Variants in B3GAT2 observed in about 807,000 individuals in gnomAD.
B3GAT2 encodes beta-1,3-glucuronyltransferase 2, also known as galactosylgalactosylxylosylprotein 3-beta-glucuronosyltransferase 2.
B3GAT2 carries 26 observed loss-of-function variants against 27.8 expected under a neutral mutation model. The ratio of observed to expected loss-of-function variants is 0.93; its 90% CI spans 0.68 to 1.30. The LOEUF (loss-of-function observed/expected upper bound fraction) is 1.30. B3GAT2 is among the 50% of genes most tolerant of loss of function. The pLI is 0.00. For missense variants in B3GAT2, 458 were observed against 459.0 expected (o/e 1.00, Z 0.02); for synonymous variants, 218 against 195.1 (o/e 1.12, Z -0.98).
In B3GAT2 at chr6:70,860,675, A is replaced by G. The variant is rs1771679743; in HGVS notation, c.*988T>C. On this transcript the variant is annotated 3_prime_UTR_variant, in exon 4 of 4. Coordinates refer to ENST00000230053, the MANE Select transcript of B3GAT2 (RefSeq NM_080742.3). ...AAGGGAAGTAGTTATCATGTTAGTA[A>G]TACCTCTAATAGTATAAACCCCACC... The G allele has an allele frequency of 2.4e-6, 1 of 415,852 alleles. No homozygotes were observed. The highest frequency in any genetic ancestry group is 4.2e-6 in the Non-Finnish European group (1 of 235,850). 25.8% of individuals were successfully genotyped at this position (415,852 alleles called of 1,614,324 possible). A position where few individuals can be genotyped will look rare whatever the true frequency, so the allele number is the denominator to read the frequency against.
At chr6:70,873,605 A>G (rs568428821) in intron 2 of B3GAT2, among the ~76,000 whole-genome samples, 3 of 152,224 alleles carry the variant, frequency 2.0e-5, no homozygotes, top group African/African-American at 7.2e-5. Flanking sequence ...TGTTTTTCAT[A>G]CAGATTTGGG....
At chr6:70,913,579 T>C (rs1772722067) in intron 1 of B3GAT2, among the ~76,000 whole-genome samples, 1 of 152,230 alleles carries the variant, frequency 6.6e-6, no homozygotes, top group Non-Finnish European at 1.5e-5. Context: ...GTTAGTGTGA[T>C]TCTTGTGTTT....
intron 1 of B3GAT2, among the ~76,000 whole-genome samples, chr6:70,913,495 C>T (rs932633688): frequency 2.0e-5 from 3 of 152,160 alleles, no homozygotes; most frequent in Non-Finnish European, 4.4e-5. Context: ...GTTTGATTTG[C>T]ATGTAGCTGT....
intron 2 of B3GAT2, among the ~76,000 whole-genome samples, chr6:70,886,305 T>C (rs1348768672): frequency 3.3e-5 from 5 of 152,150 alleles, no homozygotes; most frequent in Non-Finnish European, 7.4e-5. Context: ...AAAACTAGCA[T>C]ATCCCTTGCA....
rs1301135689 is a variant in B3GAT2 at position 70,930,588 on chromosome 6, C to T, written c.591+25251G>A. Among the ~76,000 whole-genome samples the T allele has an allele frequency of 2.0e-5, 3 of 152,202 alleles. No homozygotes were observed. In the East Asian group the frequency reaches 5.8e-4, roughly 29 times the overall value. ...CAGCCAACAGACACACGAAAAAATG[C>T]TCATCATCACCGGCCATCAGAGAAA... On this transcript the variant is annotated intron_variant, in intron 1 of 3. Coordinates refer to ENST00000230053, the MANE Select transcript of B3GAT2 (RefSeq NM_080742.3).
intron 1 of B3GAT2, among the ~76,000 whole-genome samples, chr6:70,919,847 C>A (rs1772837529): frequency 6.6e-6 from 1 of 152,204 alleles, no homozygotes; most frequent in Admixed American, 6.5e-5. Flanking sequence ...TCAGGCTACA[C>A]AGGGGTCAGG....
chr6:70,956,606 G>A lies in B3GAT2; in HGVS notation c.-177C>T, dbSNP rs913309287. 57 of 1,433,526 alleles carry A rather than the reference G, an allele frequency of 4.0e-5. No homozygotes were observed. Among genetic ancestry groups the A allele is most frequent in the African/African-American group, 1.2e-4 (8 of 68,648 alleles). The allele number at this position is 1,433,526 out of a possible 1,614,324, so 88.8% of individuals were successfully genotyped here. A position where few individuals can be genotyped will look rare whatever the true frequency, so the allele number is the denominator to read the frequency against. On this transcript the variant is annotated 5_prime_UTR_variant, in exon 1 of 4. Transcript: ENST00000230053. ...CGGGGCTCACTACCTGGGCGTGGAGGAGCGGCAGGTTCGCGCAAGCTAGAG... is the reference window on the plus strand; with the variant it reads ...CGGGGCTCACTACCTGGGCGTGGAGAAGCGGCAGGTTCGCGCAAGCTAGAG...
chr6:70,882,130 G>C (rs75568095), intron 2 of B3GAT2, among the ~76,000 whole-genome samples: 41 of 152,302 alleles, frequency 2.7e-4, no homozygotes, highest in African/African-American at 9.9e-4. Context: ...ACTCTTGGAA[G>C]ACAACGAGGA....
intron 2 of B3GAT2, among the ~76,000 whole-genome samples, chr6:70,887,664 C>T (rs748241214): frequency 3.3e-4 from 50 of 152,180 alleles, no homozygotes; most frequent in Non-Finnish European, 7.1e-4. Flanking sequence ...TGTACAACCA[C>T]TGTGACAAGG....
Position 70,949,767 on chromosome 6 carries a change from C to T in B3GAT2, c.591+6072G>A, listed in dbSNP as rs574300105. Among the ~76,000 whole-genome samples the T allele has an allele frequency of 6.0e-3, 910 of 151,558 alleles. 5 individuals are homozygous for T. The highest frequency in any genetic ancestry group is 0.034 in the Middle Eastern group (10 of 292). On this transcript the variant is annotated intron_variant, in intron 1 of 3. Transcript: ENST00000230053. ...GACACATGCACATGTATGTTTATTG[C>T]GGCACTATTCACAATAGCAAAGACT...
At chr6:70,935,675 T>C (rs1311629218) in intron 1 of B3GAT2, among the ~76,000 whole-genome samples, 1 of 151,812 alleles carries the variant, frequency 6.6e-6, no homozygotes, top group African/African-American at 2.4e-5. Flanking sequence ...GAAGGAGAAA[T>C]AAAATACTCT....
intron 1 of B3GAT2, among the ~76,000 whole-genome samples, chr6:70,946,238 T>G (rs979370957): frequency 2.0e-5 from 3 of 152,084 alleles, no homozygotes; most frequent in Admixed American, 6.5e-5. Flanking sequence ...ACTTTAAATG[T>G]AAATGGACTA....
At chr6:70,906,401 A>G (rs1265646877) in intron 1 of B3GAT2, among the ~76,000 whole-genome samples, 3 of 152,130 alleles carry the variant, frequency 2.0e-5, no homozygotes, top group African/African-American at 7.2e-5. Flanking sequence ...CAGTGGCATG[A>G]TCACAGCTCA....
chr6:70,939,876 C>T (rs1765360423), intron 1 of B3GAT2, among the ~76,000 whole-genome samples: 2 of 151,354 alleles, frequency 1.3e-5, no homozygotes, highest in Admixed American at 1.3e-4. Context: ...CACATGTACC[C>T]TAAAACTTAA....
intron 1 of B3GAT2, among the ~76,000 whole-genome samples, chr6:70,927,868 A>ATTT (rs1239312690): frequency 6.6e-6 from 1 of 152,210 alleles, no homozygotes; most frequent in Non-Finnish European, 1.5e-5. Flanking sequence ...TCCACCCAAA[A>ATTT]TTAACAGAAT....
chr6:70,883,460 CAAA>C (rs79996173), intron 2 of B3GAT2, among the ~76,000 whole-genome samples: 20 of 100,222 alleles, frequency 2.0e-4, no homozygotes, highest in African/African-American at 2.8e-4. Flanking sequence ...GCTCAATAAG[CAAA>C]AAAAAAAAAA....
chr6:70,856,782 T>G lies in B3GAT2; in HGVS notation c.*4881A>C. The G allele has an allele frequency of 2.9e-6, 4 of 1,400,184 alleles. No individual in the cohort carries two copies. The highest frequency in any genetic ancestry group is 3.2e-5 in the South Asian group (2 of 62,404). 86.7% of individuals were successfully genotyped at this position (1,400,184 alleles called of 1,614,324 possible). A position where few individuals can be genotyped will look rare whatever the true frequency, so the allele number is the denominator to read the frequency against. On this transcript the variant is annotated 3_prime_UTR_variant, in exon 4 of 4. Transcript: ENST00000230053. ...TTGATTCCTATCTAATTTTATAACT[T>G]TATTTGGATTTTAAGTAATGGATAA...
At chr6:70,949,971 A>T (rs1188593017) in intron 1 of B3GAT2, among the ~76,000 whole-genome samples, 2 of 150,068 alleles carry the variant, frequency 1.3e-5, no homozygotes, top group Non-Finnish European at 3.0e-5. Context: ...ACCAAACACC[A>T]CATGTTCTCA....
chr6:70,894,001 G>T, intron 2 of B3GAT2, 127 bp downstream of exon 2: 1 of 1,015,308 alleles, frequency 9.8e-7, no homozygotes, highest in East Asian at 2.7e-5. Flanking sequence ...TTCATCTCCT[G>T]AATATGATAT....
Sources: allele counts gnomAD v4.1 joint callset (sites outside exome capture counted in the v4.1 genomes callset), GRCh38; gene constraint gnomAD v4.1.1; transcripts MANE v1.5; gene names NCBI Gene and HGNC (gene_info 2026-07-23, HGNC 2026-07-21).